SKAP1: variants seen among roughly 807,000 people sequenced by gnomAD.
SKAP1 encodes the protein src kinase associated phosphoprotein 1.
Under a neutral mutation model 58.5 loss-of-function variants are expected in SKAP1, and 44 were observed. That is an observed-to-expected ratio of 0.75 (90% CI 0.59 to 0.97). The LOEUF (loss-of-function observed/expected upper bound fraction) is 0.97. Among genes scored for constraint, SKAP1 ranks in the 50% least tolerant of loss-of-function variants. SKAP1 has a pLI of 0.00. For missense variants in SKAP1, 390 were observed against 435.2 expected, an observed-to-expected ratio of 0.90 and a Z score of 0.92; for synonymous variants, 127 against 149.7, an observed-to-expected ratio of 0.85 and a Z score of 1.11.
At position 48,184,792 on chromosome 17, in the gene SKAP1, G is replaced by A. The variant is rs746081316; in HGVS notation, c.498C>T (p.Pro166=). The part of the protein sequence containing the change: ...LIKGYGVRMA[P]HLRRDSKKES... ...CTTTCTTGGAATCTCTTCGCAGGTG[G>A]GGGGCCATCCGTACACCGTAGCCCT... The change falls in exon 7 of 13, where the codon CCC becomes CCT. Residue 166 remains proline, a synonymous_variant. Coordinates refer to ENST00000336915, the MANE Select transcript of SKAP1 (RefSeq NM_003726.4). 1.9e-6 allele frequency: 3 copies of A among 1,613,944 alleles called. No individual in the cohort carries two copies. In the Admixed American group the frequency reaches 5.0e-5, roughly 27 times the overall value.
chr17:48,298,539 T>C (rs778744002), intron 4 of SKAP1, among the ~76,000 whole-genome samples: 6 of 152,244 alleles, frequency 3.9e-5, no homozygotes, highest in Non-Finnish European at 5.9e-5. Context: ...TTAGACTTTA[T>C]TTTATATTTC....
intron 4 of SKAP1, among the ~76,000 whole-genome samples, chr17:48,251,419 G>A (rs546069461): frequency 1.3e-5 from 2 of 152,290 alleles, no homozygotes; most frequent in Admixed American, 6.5e-5. Flanking sequence ...CATTGTTATA[G>A]TTAAGGGTCT....
chr17:48,380,314 C>T (rs2067199236), intron 2 of SKAP1: 1 of 152,220 alleles, frequency 6.6e-6, no homozygotes, highest in Admixed American at 6.5e-5. Flanking sequence ...CCCATCTCCT[C>T]ACCCCAGGAG....
intron 1 of SKAP1, among the ~76,000 whole-genome samples, chr17:48,405,559 A>G (rs1430278328): frequency 2.0e-5 from 3 of 147,452 alleles, no homozygotes; most frequent in African/African-American, 7.6e-5. Context: ...CTGGAGTCCA[A>G]TGGCGCTATC....
chr17:48,242,808 CT>C (rs1055380829), intron 4 of SKAP1, among the ~76,000 whole-genome samples: 7 of 152,208 alleles, frequency 4.6e-5, no homozygotes, highest in Non-Finnish European at 8.8e-5. Context: ...AGGATCTCCC[CT>C]AGTAGGTCTA....
At chr17:48,361,168 G>C (rs567046977) in intron 3 of SKAP1, among the ~76,000 whole-genome samples, 45 of 149,312 alleles carry the variant, frequency 3.0e-4, no homozygotes, top group African/African-American at 1.1e-3. Flanking sequence ...AAATTTTATG[G>C]TATGTGAATT....
intron 4 of SKAP1, among the ~76,000 whole-genome samples, chr17:48,290,048 G>A (rs903430313): frequency 2.0e-5 from 3 of 152,064 alleles, no homozygotes; most frequent in Non-Finnish European, 4.4e-5. Context: ...TTATTATTAA[G>A]GGACAGATGG....
chr17:48,379,508 G>A (rs369058961), intron 2 of SKAP1, among the ~76,000 whole-genome samples: 4 of 152,152 alleles, frequency 2.6e-5, no homozygotes, highest in African/African-American at 7.2e-5. Context: ...ATCCTTATGT[G>A]TACACTTTCT....
chr17:48,437,777 A>G, the SKAP1 span, among the ~76,000 whole-genome samples: 1 of 150,698 alleles, frequency 6.6e-6, no homozygotes, highest in South Asian at 2.1e-4. Flanking sequence ...GTAATGTTAT[A>G]AAGGCATTGC....
chr17:48,224,461 A>G (rs2065045069), intron 4 of SKAP1, among the ~76,000 whole-genome samples: 2 of 152,214 alleles, frequency 1.3e-5, no homozygotes, highest in Non-Finnish European at 2.9e-5. Context: ...GAAATGACAT[A>G]ATAAAGCCAG....
chr17:48,441,620 C>T, the SKAP1 span, among the ~76,000 whole-genome samples: 5 of 152,238 alleles, frequency 3.3e-5, no homozygotes, highest in African/African-American at 1.2e-4. Context: ...CAACTGTCTC[C>T]ACCCAGGCCA....
At chr17:48,403,532 C>A (rs528313193) in intron 1 of SKAP1, among the ~76,000 whole-genome samples, 1 of 151,976 alleles carries the variant, frequency 6.6e-6, no homozygotes, top group East Asian at 1.9e-4. Flanking sequence ...AAACATCTCT[C>A]AAGCACCCAG....
intron 10 of SKAP1, among the ~76,000 whole-genome samples, chr17:48,167,755 T>A (rs1046749751): frequency 6.6e-6 from 1 of 152,180 alleles, no homozygotes; most frequent in Non-Finnish European, 1.5e-5. Flanking sequence ...TAAGGATGAT[T>A]TGTGCCTCCA....
At chr17:48,234,714 CTT>C (rs375108928) in intron 4 of SKAP1, among the ~76,000 whole-genome samples, 3 of 149,414 alleles carry the variant, frequency 2.0e-5, no homozygotes, top group Non-Finnish European at 4.5e-5. Flanking sequence ...TTTCAAGGCA[CTT>C]TTTTTTTTCT....
chr17:48,365,241 T>A (rs2144404887), intron 2 of SKAP1, among the ~76,000 whole-genome samples: 1 of 152,226 alleles, frequency 6.6e-6, no homozygotes, highest in African/African-American at 2.4e-5. Flanking sequence ...AGCCACTGCA[T>A]CCAGCAACCC....
At chr17:48,351,882 AG>A (rs1567878962) in intron 3 of SKAP1, among the ~76,000 whole-genome samples, 1 of 152,210 alleles carries the variant, frequency 6.6e-6, no homozygotes, top group Non-Finnish European at 1.5e-5. Context: ...TGATATTCTC[AG>A]AATGAACTAT....
chr17:48,319,543 C>T (rs2066333257), intron 4 of SKAP1, among the ~76,000 whole-genome samples: 1 of 152,136 alleles, frequency 6.6e-6, no homozygotes, highest in African/African-American at 2.4e-5. Context: ...CTTGACTGGA[C>T]CAGTAATTTT....
chr17:48,148,583 T>G (rs1280540447), intron 11 of SKAP1, among the ~76,000 whole-genome samples: 1 of 152,236 alleles, frequency 6.6e-6, no homozygotes, highest in African/African-American at 2.4e-5. Context: ...ATGTTTAATC[T>G]GCTCGGCCCA....
intron 1 of SKAP1, among the ~76,000 whole-genome samples, chr17:48,403,913 C>T (rs2067535176): frequency 6.6e-6 from 1 of 151,690 alleles, no homozygotes; most frequent in Non-Finnish European, 1.5e-5. Context: ...ATGGCGAAAA[C>T]CCATCTCTAC....
Sources: gnomAD v4.1 joint callset for allele counts (sites outside exome capture counted in the v4.1 genomes callset) on GRCh38, gnomAD v4.1.1 for gene constraint, MANE v1.5 for transcripts, NCBI Gene and HGNC (gene_info 2026-07-23, HGNC 2026-07-21) for gene names.